RPS6KA5: variants seen among roughly 807,000 people sequenced by gnomAD.
The protein encoded by RPS6KA5 is ribosomal protein S6 kinase A5.
A neutral mutation model predicts 85.5 loss-of-function variants in RPS6KA5; 27 were observed. The observed-to-expected ratio is 0.32, with a 90% confidence interval of 0.23 to 0.44. RPS6KA5 has a LOEUF of 0.44. RPS6KA5 is among the 20% of genes least tolerant of loss of function. RPS6KA5 has a pLI of 1.00. For missense variants in RPS6KA5, 811 were observed against 980.9 expected, an observed-to-expected ratio of 0.83 and a Z score of 2.31; for synonymous variants, 334 against 348.2, an observed-to-expected ratio of 0.96 and a Z score of 0.46.
intron 1 of RPS6KA5, among the ~76,000 whole-genome samples, chr14:91,033,095 G>A (rs2042254023): frequency 6.6e-6 from 1 of 151,586 alleles, no homozygotes. Flanking sequence ...GCTGAGGCAG[G>A]AGAATGGCAT....
intron 7 of RPS6KA5, among the ~76,000 whole-genome samples, chr14:90,915,757 G>T (rs535752965): frequency 6.6e-6 from 1 of 151,930 alleles, no homozygotes; most frequent in Admixed American, 6.5e-5. Context: ...AGTGAGCCGA[G>T]ATCAGGCCAC....
intron 1 of RPS6KA5, among the ~76,000 whole-genome samples, chr14:91,053,647 T>A (rs2043186686): frequency 6.6e-6 from 1 of 152,174 alleles, no homozygotes. Context: ...TTAACAAAAG[T>A]GCAAATTTAT....
chr14:90,909,483 C>T (rs1432118671), intron 7 of RPS6KA5, among the ~76,000 whole-genome samples: 1 of 152,152 alleles, frequency 6.6e-6, no homozygotes, highest in Admixed American at 6.5e-5. Context: ...TATCAAAAGA[C>T]TGCTATTTTT....
At chr14:90,938,281 G>C (rs1434948458) in intron 5 of RPS6KA5, among the ~76,000 whole-genome samples, 1 of 152,200 alleles carries the variant, frequency 6.6e-6, no homozygotes, top group Non-Finnish European at 1.5e-5. Context: ...CATAGCCTTG[G>C]GCAGCTCCGC....
intron 1 of RPS6KA5, among the ~76,000 whole-genome samples, chr14:91,059,695 T>G (rs1463069765): frequency 6.6e-6 from 1 of 152,224 alleles, no homozygotes; most frequent in African/African-American, 2.4e-5. Flanking sequence ...AGCCATCATC[T>G]CCAGGGACCT....
At chr14:91,054,136 T>C (rs1406507181) in intron 1 of RPS6KA5, among the ~76,000 whole-genome samples, 1 of 152,196 alleles carries the variant, frequency 6.6e-6, no homozygotes, top group African/African-American at 2.4e-5. Flanking sequence ...ATTGGATATT[T>C]ACATGCAGAA....
chr14:91,002,704 G>C (rs2040840755), intron 1 of RPS6KA5, among the ~76,000 whole-genome samples: 1 of 152,096 alleles, frequency 6.6e-6, no homozygotes, highest in South Asian at 2.1e-4. Context: ...CCATTTTTAA[G>C]TATACAGTAT....
chr14:91,049,702 C>G (rs2042995899), intron 1 of RPS6KA5, among the ~76,000 whole-genome samples: 1 of 152,186 alleles, frequency 6.6e-6, no homozygotes, highest in Non-Finnish European at 1.5e-5. Flanking sequence ...CGTTGCTTAA[C>G]AATGAGAACA....
At chr14:90,899,218 A>T in intron 12 of RPS6KA5, 111 bp downstream of exon 12, 6 of 686,792 alleles carry the variant, frequency 8.7e-6, no homozygotes, top group Non-Finnish European at 1.2e-5. Context: ...TGGCTGGGTG[A>T]TGTTCTATAT....
At chr14:90,927,775 T>C (rs2036752308) in intron 5 of RPS6KA5, among the ~76,000 whole-genome samples, 1 of 152,106 alleles carries the variant, frequency 6.6e-6, no homozygotes, top group Non-Finnish European at 1.5e-5. Flanking sequence ...TTTTAACATA[T>C]GTTTCTTATA....
intron 5 of RPS6KA5, among the ~76,000 whole-genome samples, chr14:90,941,418 T>C (rs1437713630): frequency 6.6e-6 from 1 of 152,156 alleles, no homozygotes; most frequent in Non-Finnish European, 1.5e-5. Context: ...CTGTGCTCAG[T>C]GAAGTGCTAG....
chr14:90,957,167 C>T (rs566623467), intron 3 of RPS6KA5, among the ~76,000 whole-genome samples: 271 of 152,130 alleles, frequency 1.8e-3, no homozygotes, highest in Middle Eastern at 0.01. Context: ...TGGGTTCAAG[C>T]GATTCTTGCG....
intron 5 of RPS6KA5, among the ~76,000 whole-genome samples, chr14:90,930,112 T>C (rs572370161): frequency 1.3e-5 from 2 of 152,306 alleles, no homozygotes; most frequent in Admixed American, 1.3e-4. Context: ...CCTCAAGCGA[T>C]CCTCCTACCT....
chr14:91,060,281 T>A (rs575573583), intron 1 of RPS6KA5, 51 bp downstream of exon 1: 13,054 of 1,125,134 alleles, frequency 0.012, 86 homozygotes, highest in Middle Eastern at 0.021. Flanking sequence ...CCGCGTGCCC[T>A]CAGGCGCGCC....
rs778730906 is a variant in RPS6KA5 at position 90,872,169 on chromosome 14, C to T, written c.2314G>A (p.Gly772Ser). Residue 772 changes from glycine to serine, a missense_variant, in exon 17 of 17, where the codon GGT becomes AGT. This residue lies in a region of RPS6KA5 where 650 missense variants were observed against 793.4 expected (regional missense o/e 0.82). Transcript: ENST00000614987. ...AGTGTCTTGGTGGGTGTAGTTTTAC[C>T]GTGAGAATGAGAGGAAGAAGAATGG... ...SSHSSSSHSH[G>S]KTTPTKTLQP... 3.1e-6 allele frequency: 5 copies of T among 1,613,576 alleles called. No homozygotes were observed. The highest frequency in any genetic ancestry group is 3.3e-5 in the Admixed American group (2 of 59,940).
Position 90,899,407 on chromosome 14 carries a change from A to C in RPS6KA5, c.1395T>G (p.Thr465=). The C allele has an allele frequency of 6.2e-7, 1 of 1,612,946 alleles. No individual in the cohort carries two copies. Among genetic ancestry groups the C allele is most frequent in the South Asian group, 1.1e-5 (1 of 91,012 alleles). ...GTTTCAGAGCTGTTATTTCCTTTTGAGTATTGGCTTCCATCCTGCAAGATG... is the reference window on the plus strand; with the variant it reads ...GTTTCAGAGCTGTTATTTCCTTTTGCGTATTGGCTTCCATCCTGCAAGATG... ...KIISKRMEAN[T]QKEITALKLC... Residue 465 remains threonine (T), a synonymous_variant, in exon 12 of 17, where the codon ACT becomes ACG. Coordinates refer to ENST00000614987, the MANE Select transcript of RPS6KA5 (RefSeq NM_004755.4).
At chr14:90,896,473 G>C (rs183882842) in intron 12 of RPS6KA5, among the ~76,000 whole-genome samples, 2 of 152,150 alleles carry the variant, frequency 1.3e-5, no homozygotes, top group Non-Finnish European at 2.9e-5. Flanking sequence ...TGTTACCTTA[G>C]AAGGATGGCA....
rs2031825740 is a variant in RPS6KA5, at chr14:90,848,445, T to C, written c.*23629A>G. The C allele has an allele frequency of 6.6e-6, 1 of 152,058 alleles. No homozygotes were observed. The highest frequency in any genetic ancestry group is 1.5e-5 in the Non-Finnish European group (1 of 68,010). 9.4% of individuals were successfully genotyped at this position (152,058 alleles called of 1,614,324 possible). ...AAAACTACAATAAAGTATATAAATA[T>C]GAAATTCAGAAAAGCAGATAAAGAA... On this transcript the variant is annotated 3_prime_UTR_variant, in exon 17 of 17. Coordinates refer to ENST00000614987, the MANE Select transcript of RPS6KA5 (RefSeq NM_004755.4).
rs2032240736 is a variant in RPS6KA5 at position 90,855,612 on chromosome 14, A to ATTTTTTTTTTTAT, written c.*16461_*16462insATAAAAAAAAAAA. ...ACCACCACGCCCAGCTAATTTTTGTATTTTTTTTTTTTTGAGACAGAGTCT... is the reference window on the plus strand; with the variant it reads ...ACCACCACGCCCAGCTAATTTTTGTATTTTTTTTTTTATTTTTTTTTTTTTTGAGACAGAGTCT... On this transcript the variant is annotated 3_prime_UTR_variant, in exon 17 of 17. Transcript: ENST00000614987. 1 of 103,398 alleles carries ATTTTTTTTTTTAT rather than the reference A, an allele frequency of 9.7e-6. No individual in the cohort carries two copies. The highest frequency in any genetic ancestry group is 1.8e-5 in the Non-Finnish European group (1 of 54,072). The allele number at this position is 103,398 out of a possible 1,614,324, so 6.4% of individuals were successfully genotyped here. A position where few individuals can be genotyped will look rare whatever the true frequency, so the allele number is the denominator to read the frequency against.
Sources: gnomAD v4.1 joint callset for allele counts (sites outside exome capture counted in the v4.1 genomes callset) on GRCh38, gnomAD v4.1.1 for gene constraint, gnomAD v4.1.1 regional missense constraint, MANE v1.5 for transcripts, NCBI Gene and HGNC (gene_info 2026-07-23, HGNC 2026-07-21) for gene names.